CNOT10: variants seen among roughly 807,000 people sequenced by gnomAD.
The protein encoded by CNOT10 is CCR4-NOT transcription complex, subunit 10.
In CNOT10, 30 loss-of-function variants were observed where a neutral mutation model predicts 94.6. The ratio of observed to expected loss-of-function variants is 0.32; its 90% CI spans 0.24 to 0.43. The LOEUF (loss-of-function observed/expected upper bound fraction) is 0.43. Ranked by LOEUF, CNOT10 falls within the 20% of genes least tolerant of loss-of-function variation. The probability of loss-of-function intolerance (pLI) is 1.00; values close to 1 mark genes in which losing one functional copy is unlikely to be tolerated. For missense variants in CNOT10, 759 were observed against 877.2 expected (o/e 0.87, Z 1.70); for synonymous variants, 289 against 301.6 (o/e 0.96, Z 0.43).
At chr3:32,753,158 A>G in intron 13 of CNOT10, 1 of 618,538 alleles carries the variant, frequency 1.6e-6, no homozygotes, top group African/African-American at 1.8e-5. Flanking sequence ...TATGTTGAGA[A>G]AAGGAACATG....
At chr3:32,685,891 G>A (rs1185416119) in intron 1 of CNOT10, among the ~76,000 whole-genome samples, 1 of 152,232 alleles carries the variant, frequency 6.6e-6, no homozygotes, top group African/African-American at 2.4e-5. Context: ...GACCACATGT[G>A]GCTTCCTCTG....
intron 13 of CNOT10, among the ~76,000 whole-genome samples, chr3:32,750,292 C>G (rs777261249): frequency 6.6e-6 from 1 of 151,942 alleles, no homozygotes; most frequent in African/African-American, 2.4e-5. Context: ...GTCAGGAGTT[C>G]GAGACCAATC....
intron 10 of CNOT10, among the ~76,000 whole-genome samples, chr3:32,732,156 C>T (rs1222683546): frequency 2.0e-5 from 3 of 151,602 alleles, no homozygotes; most frequent in Admixed American, 6.6e-5. Flanking sequence ...TTTGGGAGGC[C>T]GAGGCGGGCG....
chr3:32,743,423 A>G (rs1379219709), intron 13 of CNOT10, among the ~76,000 whole-genome samples: 1 of 152,054 alleles, frequency 6.6e-6, no homozygotes, highest in Non-Finnish European at 1.5e-5. Flanking sequence ...TGAGGTCAAG[A>G]GTTCGAGATC....
chr3:32,759,412 C>T, intron 13 of CNOT10, 46 bp from the exon 14 acceptor site: 13 of 1,283,102 alleles, frequency 1.0e-5, no homozygotes, highest in Non-Finnish European at 1.5e-5. Flanking sequence ...TAACCATTAT[C>T]AATGTTTAAA....
intron 4 of CNOT10, 99 bp downstream of exon 4, chr3:32,708,919 C>T (rs754514861): frequency 3.4e-5 from 31 of 901,436 alleles, no homozygotes; most frequent in Non-Finnish European, 5.1e-5. Context: ...GAAGTCCATG[C>T]CAGTATTCAA....
intron 13 of CNOT10, among the ~76,000 whole-genome samples, chr3:32,737,744 A>T (rs1699253905): frequency 6.6e-6 from 1 of 151,648 alleles, no homozygotes; most frequent in Non-Finnish European, 1.5e-5. Flanking sequence ...AATTGCTTGA[A>T]CCCGGGAGGC....
At chr3:32,763,001 T>C in intron 15 of CNOT10, 138 bp downstream of exon 15, 1 of 835,106 alleles carries the variant, frequency 1.2e-6, no homozygotes, top group Non-Finnish European at 1.7e-6. Flanking sequence ...TTGTCTGTAC[T>C]TACTTTGTAG....
chr3:32,759,134 T>A (rs988346821), intron 13 of CNOT10, among the ~76,000 whole-genome samples: 2 of 145,704 alleles, frequency 1.4e-5, no homozygotes, highest in African/African-American at 5.3e-5. Flanking sequence ...ATATATAGTG[T>A]GTGTGTGTGT....
intron 13 of CNOT10, among the ~76,000 whole-genome samples, chr3:32,752,600 T>G (rs1050435213): frequency 5.3e-5 from 8 of 152,226 alleles, no homozygotes; most frequent in African/African-American, 1.9e-4. Context: ...AATAAGATTC[T>G]TTTTGCACAG....
chr3:32,694,746 C>T (rs145579728), intron 1 of CNOT10, among the ~76,000 whole-genome samples: 1,901 of 152,162 alleles, frequency 0.012, 10 homozygotes, highest in Middle Eastern at 0.024. Flanking sequence ...CGCACCACCA[C>T]GCCCAGCTAA....
At chr3:32,724,193 A>G (rs1363933954) in intron 8 of CNOT10, among the ~76,000 whole-genome samples, 1 of 151,758 alleles carries the variant, frequency 6.6e-6, no homozygotes. Flanking sequence ...AGAAGTGTGA[A>G]TTAAAATCAG....
intron 15 of CNOT10, among the ~76,000 whole-genome samples, chr3:32,763,681 A>G (rs1700545515): frequency 6.6e-6 from 1 of 151,980 alleles, no homozygotes; most frequent in Non-Finnish European, 1.5e-5. Flanking sequence ...AATTAAAGCT[A>G]TGTGACATTC....
At chr3:32,753,210 T>G in intron 13 of CNOT10, 1 of 702,850 alleles carries the variant, frequency 1.4e-6, no homozygotes, top group Non-Finnish European at 2.7e-6. Context: ...CTAGAAATTT[T>G]TACAGAAGGA....
At chr3:32,721,451 T>A (rs1316380357) in intron 8 of CNOT10, among the ~76,000 whole-genome samples, 2 of 146,132 alleles carry the variant, frequency 1.4e-5, no homozygotes, top group Non-Finnish European at 3.0e-5. Context: ...TTTTTTTTTT[T>A]TTTAGTGAAT....
intron 12 of CNOT10, 49 bp downstream of exon 12, chr3:32,735,025 T>C: frequency 6.7e-6 from 10 of 1,482,150 alleles, no homozygotes; most frequent in South Asian, 1.2e-5. Flanking sequence ...TCAGGACTTC[T>C]TTAGTAAACC....
chr3:32,764,597 A>G (rs1324797806), intron 16 of CNOT10, 85 bp from the exon 17 acceptor site: 7 of 1,602,566 alleles, frequency 4.4e-6, no homozygotes, highest in Non-Finnish European at 6.0e-6. Flanking sequence ...CTGCTGTGCC[A>G]AGTGGCTCCT....
At chr3:32,749,152 A>G (rs895315280) in intron 13 of CNOT10, among the ~76,000 whole-genome samples, 7 of 148,180 alleles carry the variant, frequency 4.7e-5, no homozygotes, top group Non-Finnish European at 9.0e-5. Flanking sequence ...AGATACAACT[A>G]TCAGATATAT....
chr3:32,724,243 CTT>C (rs376534412), intron 8 of CNOT10, among the ~76,000 whole-genome samples: 1 of 126,824 alleles, frequency 7.9e-6, no homozygotes. Flanking sequence ...TGTTCTGTTC[CTT>C]TTTTTTTTTT....
Sources: allele counts gnomAD v4.1 joint callset (sites outside exome capture counted in the v4.1 genomes callset), GRCh38; gene constraint gnomAD v4.1.1; transcripts MANE v1.5; gene names NCBI Gene and HGNC (gene_info 2026-07-23, HGNC 2026-07-21).